MAGI3: variants seen among roughly 807,000 people sequenced by gnomAD.
MAGI3 encodes the protein membrane-associated guanylate kinase, WW and PDZ domain-containing protein 3.
A neutral mutation model predicts 121.8 loss-of-function variants in MAGI3; 43 were observed. The observed-to-expected ratio is 0.35, with a 90% CI of 0.28 to 0.46. MAGI3 has a LOEUF of 0.46. MAGI3 is among the 20% of genes least tolerant of loss of function. The pLI, the probability that MAGI3 is intolerant of heterozygous loss-of-function variation, is 1.00. For synonymous variants in MAGI3, 553 were observed against 639.3 expected, an observed-to-expected ratio of 0.86 and a Z score of 2.04; for missense variants, 1,547 against 1,797.3, an observed-to-expected ratio of 0.86 and a Z score of 2.52.
At chr1:113,587,035 C>A (rs1648405608) in intron 4 of MAGI3, among the ~76,000 whole-genome samples, 1 of 152,132 alleles carries the variant, frequency 6.6e-6, no homozygotes, top group African/African-American at 2.4e-5. Flanking sequence ...TTACATATTT[C>A]TTTGTCATAG....
intron 12 of MAGI3, 51 bp downstream of exon 12, chr1:113,646,693 ATTTAT>A (rs768615559): frequency 1.4e-6 from 2 of 1,410,368 alleles, no homozygotes; most frequent in African/African-American, 2.9e-5. Context: ...ATAAATTTGG[ATTTAT>A]TTTAGACTAG....
At chr1:113,604,565 C>CAAAAAAAAAAAAAA (rs59047770) in intron 6 of MAGI3, among the ~76,000 whole-genome samples, 5 of 62,008 alleles carry the variant, frequency 8.1e-5, no homozygotes, top group Admixed American at 3.1e-4. Flanking sequence ...GTCTCCATCT[C>CAAAAAAAAAAAAAA]AAAAAAAAAA....
chr1:113,481,694 A>G (rs778680860), intron 1 of MAGI3, among the ~76,000 whole-genome samples: 10 of 152,194 alleles, frequency 6.6e-5, no homozygotes, highest in Non-Finnish European at 1.2e-4. Flanking sequence ...TTACCATGCA[A>G]TCCCATAAAC....
At chr1:113,443,109 C>T (rs1654000455) in intron 1 of MAGI3, among the ~76,000 whole-genome samples, 1 of 152,064 alleles carries the variant, frequency 6.6e-6, no homozygotes. Context: ...ATGCCTTGCT[C>T]AAATTAAAAC....
Position 113,434,564 on chromosome 1 carries a change from A to G in MAGI3, c.316+43215A>G, listed in dbSNP as rs762820918. Among the ~76,000 whole-genome samples the G allele has an allele frequency of 4.7e-4, 72 of 152,222 alleles. 4 individuals carry two copies. The highest frequency in any genetic ancestry group is 1.8e-4 in the Non-Finnish European group (12 of 68,032). ...TTCAAGGGATGGAACAAGACCATTC[A>G]GTTTTTACAGCTGCTCTCTTTATTG... On this transcript the variant is annotated intron_variant, in intron 1 of 20. Transcript: ENST00000307546.
At chr1:113,629,138 G>A (rs1651435933) in intron 9 of MAGI3, among the ~76,000 whole-genome samples, 1 of 151,698 alleles carries the variant, frequency 6.6e-6, no homozygotes, top group Non-Finnish European at 1.5e-5. Flanking sequence ...CTCTGACTGT[G>A]TATTTTCAAA....
chr1:113,661,817 A>AT (rs1429817105), intron 16 of MAGI3, among the ~76,000 whole-genome samples: 1 of 152,174 alleles, frequency 6.6e-6, no homozygotes, highest in African/African-American at 2.4e-5. Flanking sequence ...ATACAGTCAC[A>AT]TTTTATATGT....
intron 1 of MAGI3, among the ~76,000 whole-genome samples, chr1:113,462,849 GATAA>G (rs1339630772): frequency 6.6e-6 from 1 of 152,060 alleles, no homozygotes; most frequent in African/African-American, 2.4e-5. Context: ...GGGAATAACT[GATAA>G]ATAATGATGA....
chr1:113,659,011 G>T (rs540375993), intron 15 of MAGI3, 69 bp from the exon 16 acceptor site: 1 of 1,262,050 alleles, frequency 7.9e-7, no homozygotes, highest in Non-Finnish European at 1.1e-6. Context: ...TTTAAATGAC[G>T]TTGATTATAA....
chr1:113,485,685 A>G (rs1656349877), intron 1 of MAGI3, among the ~76,000 whole-genome samples: 2 of 152,054 alleles, frequency 1.3e-5, no homozygotes, highest in Admixed American at 6.6e-5. Context: ...TCATCTACTT[A>G]TATTTGTTTT....
intron 1 of MAGI3, among the ~76,000 whole-genome samples, chr1:113,448,844 G>A (rs1654311346): frequency 6.6e-6 from 1 of 152,164 alleles, no homozygotes; most frequent in South Asian, 2.1e-4. Flanking sequence ...AAGAGGCCGG[G>A]CACAGTGGAT....
At chr1:113,426,956 A>G (rs999332486) in intron 1 of MAGI3, among the ~76,000 whole-genome samples, 3 of 150,094 alleles carry the variant, frequency 2.0e-5, no homozygotes, top group African/African-American at 7.3e-5. Context: ...GTATCTATCT[A>G]TATATATATA....
At chr1:113,405,202 A>G (rs1651607306) in intron 1 of MAGI3, among the ~76,000 whole-genome samples, 1 of 152,126 alleles carries the variant, frequency 6.6e-6, no homozygotes, top group South Asian at 2.1e-4. Context: ...TTGAAAGGCC[A>G]GATGTGGTGG....
At position 113,521,696 on chromosome 1, in the gene MAGI3, G is replaced by A. The variant is rs150584084; in HGVS notation, c.317-27819G>A. ...GCTGGGATTATAGGTGTGAGCCACT[G>A]CACCCAGCCACAGTTAGTGCTATTC... On this transcript the variant is annotated intron_variant, in intron 1 of 20. Coordinates refer to ENST00000307546, the MANE Select transcript of MAGI3 (RefSeq NM_001142782.2). 2.1e-3 allele frequency among the ~76,000 whole-genome samples: 313 copies of A among 152,280 alleles called. 4 individuals carry two copies. Among genetic ancestry groups the A allele is most frequent in the African/African-American group, 7.3e-3 (304 of 41,562 alleles).
At chr1:113,583,865 A>G (rs1405548334) in intron 3 of MAGI3, among the ~76,000 whole-genome samples, 1 of 152,196 alleles carries the variant, frequency 6.6e-6, no homozygotes, top group Non-Finnish European at 1.5e-5. Context: ...AGGGAGAGAC[A>G]GGATGTCATT....
chr1:113,486,520 G>A (rs925619683), intron 1 of MAGI3, among the ~76,000 whole-genome samples: 7 of 152,128 alleles, frequency 4.6e-5, no homozygotes, highest in Admixed American at 4.6e-4. Flanking sequence ...CAGTCAAGCT[G>A]TGAATTTTCA....
At chr1:113,509,767 A>T (rs1657523659) in intron 1 of MAGI3, among the ~76,000 whole-genome samples, 1 of 135,108 alleles carries the variant, frequency 7.4e-6, no homozygotes, top group Admixed American at 7.8e-5. Flanking sequence ...ACTGCATCAA[A>T]CAGGTGCTGA....
At chr1:113,416,407 T>C (rs1176123308) in intron 1 of MAGI3, among the ~76,000 whole-genome samples, 5 of 20,316 alleles carry the variant, frequency 2.5e-4, no homozygotes, top group Non-Finnish European at 5.4e-4. Context: ...ATTAATTAAT[T>C]AATAATTAAT....
intron 9 of MAGI3, among the ~76,000 whole-genome samples, chr1:113,638,518 A>G (rs913797097): frequency 1.3e-5 from 2 of 152,240 alleles, no homozygotes; most frequent in African/African-American, 4.8e-5. Context: ...TTGCCCGGGT[A>G]CCAGCAGCGG....
Sources: gnomAD v4.1 joint callset for allele counts (sites outside exome capture counted in the v4.1 genomes callset) on GRCh38, gnomAD v4.1.1 for gene constraint, MANE v1.5 for transcripts, NCBI Gene and HGNC (gene_info 2026-07-23, HGNC 2026-07-21) for gene names.